UNC13A: variants seen among roughly 807,000 people sequenced by gnomAD.
UNC13A encodes the protein protein unc-13 homolog A.
Under a neutral mutation model 219.7 loss-of-function variants are expected in UNC13A, and 61 were observed. The ratio of observed to expected loss-of-function variants is 0.28; its 90% CI spans 0.23 to 0.34. The LOEUF (loss-of-function observed/expected upper bound fraction) is 0.34, where lower values mean the gene tolerates loss of function less well. Ranked by LOEUF, UNC13A falls within the 10% of genes least tolerant of loss-of-function variation. The pLI, the probability that UNC13A is intolerant of heterozygous loss-of-function variation, is 1.00. For missense variants in UNC13A, 1,476 were observed against 2,270.3 expected (o/e 0.65, Z 7.11); for synonymous variants, 920 against 884.6 (o/e 1.04, Z -0.71).
chr19:17,668,218 T>G lies in UNC13A; in HGVS notation c.395-28A>C, dbSNP rs1424664939. 2.5e-6 allele frequency: 4 copies of G among 1,604,498 alleles called. No individual in the cohort carries two copies. In the Admixed American group the frequency reaches 6.8e-5, roughly 27 times the overall value. On this transcript the variant is annotated intron_variant, in intron 5 of 43. Coordinates refer to ENST00000519716, the MANE Select transcript of UNC13A (RefSeq NM_001080421.3). ...GCAAGCAGAGCCCTGTCTGTGAGCC[T>G]GGAAGACCCTCCCTGCCGCTCAGCC...
intron 4 of UNC13A, among the ~76,000 whole-genome samples, chr19:17,670,964 G>T (rs1485435804): frequency 8.8e-6 from 1 of 113,224 alleles, no homozygotes; most frequent in Non-Finnish European, 1.9e-5. Context: ...AAAATAAAAT[G>T]ACAAAAACGA....
chr19:17,662,228 A>G (rs2079563204), intron 8 of UNC13A, among the ~76,000 whole-genome samples: 1 of 151,638 alleles, frequency 6.6e-6, no homozygotes, highest in Non-Finnish European at 1.5e-5. Context: ...CCTGGGCAAC[A>G]GAGCAAGACT....
At chr19:17,682,729 A>G (rs540572980) in intron 1 of UNC13A, among the ~76,000 whole-genome samples, 1 of 152,228 alleles carries the variant, frequency 6.6e-6, no homozygotes, top group African/African-American at 2.4e-5. Context: ...CGATGAATGG[A>G]GAGATTGTGA....
At chr19:17,659,165 G>T (rs546707465) in intron 8 of UNC13A, among the ~76,000 whole-genome samples, 5 of 152,066 alleles carry the variant, frequency 3.3e-5, no homozygotes, top group African/African-American at 9.7e-5. Flanking sequence ...AGCAAAGGCC[G>T]GGCACAGTGG....
rs2076479216 is a variant in UNC13A, at chr19:17,602,775, TACGGACAGAC to T, written c.*3269_*3278del. ...GGTCCGTGTGGAAGGGGAAGGTTGG[TACGGACAGAC>T]ATGGACAGACATGCATGCGGATGTG... On this transcript the variant is annotated 3_prime_UTR_variant, in exon 44 of 44. Coordinates refer to ENST00000519716, the MANE Select transcript of UNC13A (RefSeq NM_001080421.3). 4 of 152,320 alleles carry T rather than the reference TACGGACAGAC, an allele frequency of 2.6e-5. No homozygotes were observed. The highest frequency in any genetic ancestry group is 1.9e-4 in the East Asian group (1 of 5,208). 9.4% of individuals were successfully genotyped at this position (152,320 alleles called of 1,614,324 possible).
intron 19 of UNC13A, among the ~76,000 whole-genome samples, chr19:17,645,402 C>T (rs975268140): frequency 1.3e-5 from 2 of 152,232 alleles, no homozygotes; most frequent in Non-Finnish European, 1.5e-5. Flanking sequence ...GTTCTTGCTT[C>T]TTGCCTCCCC....
At chr19:17,670,253 A>AT (rs1337640855) in intron 4 of UNC13A, among the ~76,000 whole-genome samples, 2 of 109,118 alleles carry the variant, frequency 1.8e-5, no homozygotes, top group African/African-American at 7.0e-5. Flanking sequence ...GCCTAATTTA[A>AT]TTTTTTTGAG....
At position 17,674,656 on chromosome 19, in the gene UNC13A, C is replaced by T; in HGVS notation, c.152+1G>A. 1 of 1,613,726 alleles carries T rather than the reference C, an allele frequency of 6.2e-7. No individual in the cohort carries two copies. Among genetic ancestry groups the T allele is most frequent in the Non-Finnish European group, 8.5e-7 (1 of 1,179,810 alleles). ...GGTCATGCCAGACGCTGCAGACTCA[C>T]AACATGAAATCCTGCTCCCAGCTGG... On this transcript the variant is annotated splice_donor_variant, in intron 3 of 43. Coordinates refer to ENST00000519716, the MANE Select transcript of UNC13A (RefSeq NM_001080421.3). LOFTEE classifies it high-confidence loss of function. This position sits in a 1 kb window ranked among gnomAD's most constrained non-coding sequence, Gnocchi z 5.0.
At chr19:17,684,767 G>A (rs961763015) in intron 1 of UNC13A, among the ~76,000 whole-genome samples, 1 of 152,230 alleles carries the variant, frequency 6.6e-6, no homozygotes, top group African/African-American at 2.4e-5. Context: ...ACATGGATAT[G>A]AGTGTGCATG....
chr19:17,611,904 C>T (rs921153017), intron 41 of UNC13A, 49 bp from the exon 42 acceptor site: 1 of 1,560,860 alleles, frequency 6.4e-7, no homozygotes. Context: ...TTCTTTCCCA[C>T]CCACCAGGAG....
chr19:17,616,710 G>A (rs1243933196), intron 41 of UNC13A, among the ~76,000 whole-genome samples: 2 of 152,184 alleles, frequency 1.3e-5, no homozygotes, highest in Non-Finnish European at 2.9e-5. Flanking sequence ...AGGACTGGAA[G>A]GGAAGCTGAG....
At chr19:17,647,527 C>G (rs762119202) in intron 16 of UNC13A, 35 bp from the exon 17 acceptor site, 2 of 1,592,938 alleles carry the variant, frequency 1.3e-6, no homozygotes, top group African/African-American at 1.3e-5. Context: ...GACCCCAGCG[C>G]GCCCTGCATA....
rs566956626 is a variant in UNC13A, at chr19:17,601,945, G to C, written c.*4109C>G. On this transcript the variant is annotated 3_prime_UTR_variant, in exon 44 of 44. Transcript: ENST00000519716. ...CTAAGGCCCTCCCCCAACTTCCCCA[G>C]GGTGGCAGAGTTCCGGGAGGCCCCA... 3 of 152,768 alleles carry C rather than the reference G, an allele frequency of 2.0e-5. No homozygotes were observed. The highest frequency in any genetic ancestry group is 7.2e-5 in the African/African-American group (3 of 41,566). The allele number at this position is 152,768 out of a possible 1,614,324, so 9.5% of individuals were successfully genotyped here.
chr19:17,618,863 T>C (rs377373328), intron 39 of UNC13A, 43 bp downstream of exon 39: 1 of 1,606,220 alleles, frequency 6.2e-7, no homozygotes, highest in Admixed American at 1.7e-5. Flanking sequence ...CACATGAGTT[T>C]GGGGGGCAGT....
chr19:17,665,324 T>C (rs2079621547), intron 7 of UNC13A, among the ~76,000 whole-genome samples: 4 of 152,114 alleles, frequency 2.6e-5, no homozygotes, highest in African/African-American at 9.7e-5. Context: ...GATTTGCTAC[T>C]TCCCCTCCAC....
At chr19:17,682,900 C>A (rs1308236294) in intron 1 of UNC13A, among the ~76,000 whole-genome samples, 1 of 152,000 alleles carries the variant, frequency 6.6e-6, no homozygotes, top group Non-Finnish European at 1.5e-5. Flanking sequence ...CCCATCTCCA[C>A]TAAAAATACA....
chr19:17,622,110 T>C (rs761149276), intron 36 of UNC13A, among the ~76,000 whole-genome samples: 25 of 152,022 alleles, frequency 1.6e-4, no homozygotes, highest in Non-Finnish European at 4.4e-5. Flanking sequence ...GAGAGAAAGA[T>C]ACAGATACAG....
At position 17,635,947 on chromosome 19, in the gene UNC13A, T is replaced by C. The variant is rs112378714; in HGVS notation, c.3215+77A>G. 1.6e-4 allele frequency: 235 copies of C among 1,503,404 alleles called. No homozygotes were observed. In the African/African-American group the frequency reaches 2.8e-3, roughly 18 times the overall value. The allele number at this position is 1,503,404 out of a possible 1,614,324, so 93.1% of individuals were successfully genotyped here. A position where few individuals can be genotyped will look rare whatever the true frequency, so the allele number is the denominator to read the frequency against. ...ATTTGTGTAATTAGACAAAATCATC[T>C]TGACACACAAGACACAAAGTTGTAT... On this transcript the variant is annotated intron_variant, in intron 26 of 43. Transcript: ENST00000519716.
chr19:17,685,922 G>C (rs1455105599), intron 1 of UNC13A, among the ~76,000 whole-genome samples: 1 of 151,662 alleles, frequency 6.6e-6, no homozygotes, highest in Non-Finnish European at 1.5e-5. Context: ...AACATCTCTC[G>C]TGCTCAGCCA....
Sources: allele counts gnomAD v4.1 joint callset (sites outside exome capture counted in the v4.1 genomes callset), GRCh38; gene constraint gnomAD v4.1.1; non-coding constraint Gnocchi (gnomAD v3.1); transcripts MANE v1.5; gene names NCBI Gene and HGNC (gene_info 2026-07-23, HGNC 2026-07-21).